RIBC2: variants seen among roughly 807,000 people sequenced by gnomAD.
The protein encoded by RIBC2 is RIB43A domain with coiled-coils 2.
RIBC2 carries 40 observed loss-of-function variants against 44.3 expected under a neutral mutation model. The ratio of observed to expected loss-of-function variants is 0.90; its 90% CI spans 0.70 to 1.18. The LOEUF (loss-of-function observed/expected upper bound fraction) is 1.18, where lower values mean the gene tolerates loss of function less well. Among genes scored for constraint, RIBC2 ranks in the 50% most tolerant of loss-of-function variants. The pLI is 0.00. For missense variants in RIBC2, 459 were observed against 485.5 expected, an observed-to-expected ratio of 0.95 and a Z score of 0.51; for synonymous variants, 171 against 175.0, an observed-to-expected ratio of 0.98 and a Z score of 0.18.
intron 4 of RIBC2, among the ~76,000 whole-genome samples, chr22:45,424,637 G>A (rs1039791263): frequency 6.6e-6 from 1 of 152,228 alleles, no homozygotes; most frequent in African/African-American, 2.4e-5. Flanking sequence ...CCCAGGTCCT[G>A]GGATGGAGCG....
intron 3 of RIBC2, chr22:45,418,153 G>T: frequency 2.2e-6 from 1 of 451,998 alleles, no homozygotes; most frequent in Non-Finnish European, 3.9e-6. Context: ...GTCAGAGCCT[G>T]CCCTCCAGGA....
At chr22:45,430,254 G>T (rs1000327589) in intron 5 of RIBC2, among the ~76,000 whole-genome samples, 5 of 152,190 alleles carry the variant, frequency 3.3e-5, no homozygotes, top group Non-Finnish European at 7.3e-5. Context: ...GGGCAAAGGG[G>T]ACTCGTCTTC....
chr22:45,432,300 G>T lies in RIBC2; in HGVS notation c.1087G>T (p.Glu363Ter), dbSNP rs2087587988. 6.4e-7 allele frequency: 1 copy of T among 1,566,456 alleles called. No individual in the cohort carries two copies. The highest frequency in any genetic ancestry group is 1.4e-5 in the African/African-American group (1 of 72,838). ...TGTTATCAGGAAAAAATATATGAATGAAGTCTATACAAATCAACCCACGGG... is the reference window on the plus strand; with the variant it reads ...TGTTATCAGGAAAAAATATATGAATTAAGTCTATACAAATCAACCCACGGG... ...EQHLQKKYMN[E>*]VYTNQPTGDY... Residue 363 changes from glutamate to a stop codon, truncating the protein, a stop_gained, in exon 7 of 7, where the codon GAA (glutamate) becomes TAA (stop). Transcript: ENST00000614167. LOFTEE classifies it high-confidence loss of function.
At position 45,432,310 on chromosome 22, in the gene RIBC2, C is replaced by T; in HGVS notation, c.1097C>T (p.Thr366Ile). ...LQKKYMNEVYTNQPTGDYFTQ... is the reference protein window; with the variant it reads ...LQKKYMNEVYINQPTGDYFTQ... The stretch of plus-strand genomic sequence containing the variant: ...AAAAAATATATGAATGAAGTCTATA[C>T]AAATCAACCCACGGGAGACTATTTC... Residue 366 changes from threonine to isoleucine, a missense_variant, in exon 7 of 7, where the codon ACA becomes ATA. By Grantham distance (89) the Thr-to-Ile change is moderately conservative. Transcript: ENST00000614167. 1 of 1,592,574 alleles carries T rather than the reference C, an allele frequency of 6.3e-7. No individual in the cohort carries two copies. The highest frequency in any genetic ancestry group is 8.6e-7 in the Non-Finnish European group (1 of 1,164,702).
rs1389007092 is a variant in RIBC2, at chr22:45,426,186, C to T, written c.903+11C>T. 4 of 1,607,562 alleles carry T rather than the reference C, an allele frequency of 2.5e-6. No individual in the cohort carries two copies. Among genetic ancestry groups the T allele is most frequent in the South Asian group, 2.2e-5 (2 of 90,432 alleles). On this transcript the variant is annotated intron_variant, in intron 5 of 6. Coordinates refer to ENST00000614167, the MANE Select transcript of RIBC2 (RefSeq NM_015653.5). ...ATCCAGGAGAAGCTGGTGACTGCCC[C>T]GCCCCTTTTTCCAGAGCCCATAGAG...
intron 5 of RIBC2, among the ~76,000 whole-genome samples, chr22:45,429,722 C>T (rs2087562617): frequency 6.6e-6 from 1 of 152,184 alleles, no homozygotes; most frequent in Admixed American, 6.5e-5. Context: ...TGCTTCAGGA[C>T]TGCCGCTCTG....
chr22:45,416,702 C>T (rs957173208), intron 2 of RIBC2, among the ~76,000 whole-genome samples: 2 of 151,870 alleles, frequency 1.3e-5, no homozygotes, highest in Middle Eastern at 3.2e-3. Flanking sequence ...CCTTGTGATC[C>T]GCCCACCTCG....
rs1489500465 is a variant in RIBC2 at position 45,424,288 on chromosome 22, GAC to G, written c.676-1655_676-1654del. 2.6e-5 allele frequency among the ~76,000 whole-genome samples: 4 copies of G among 152,194 alleles called. No homozygotes were observed. The East Asian group carries it at 7.7e-4, about 29-fold the overall frequency. On this transcript the variant is annotated intron_variant, in intron 4 of 6. Transcript: ENST00000614167. The stretch of plus-strand genomic sequence containing the variant: ...CAGGCCGGTCCAGTTCAACAGGAAG[GAC>G]ACACGTGAGGGCCTCCAGTTCTTGG...
chr22:45,414,977 A>C (rs1279215107), intron 2 of RIBC2, among the ~76,000 whole-genome samples: 2 of 152,206 alleles, frequency 1.3e-5, no homozygotes, highest in Admixed American at 6.5e-5. Context: ...TCAGAGACAG[A>C]CATGATTCAA....
rs367781390 is a variant in RIBC2, at chr22:45,426,046, C to T, written c.774C>T (p.Ser258=). 3.7e-6 allele frequency: 6 copies of T among 1,613,942 alleles called. No individual in the cohort carries two copies. The highest frequency in any genetic ancestry group is 1.6e-4 in the Middle Eastern group (1 of 6,082). Residue 258 remains serine, a synonymous_variant, in exon 5 of 7, where the codon TCC becomes TCT. Transcript: ENST00000614167. ...ITNLLRGDLL[S]ENPQQAASSF... ...ACCTCCTGCGTGGGGACCTGCTCTC[C>T]GAGAACCCGCAGCAGGCAGCCAGCT...
At position 45,432,281 on chromosome 22, in the gene RIBC2, C is replaced by T. The variant is rs544108650; in HGVS notation, c.1071-3C>T. ...CCTTTTTTTTTTCTCATTTTGTTAT[C>T]AGGAAAAAATATATGAATGAAGTCT... On this transcript the variant is annotated splice_region_variant and splice_polypyrimidine_tract_variant and intron_variant, in intron 6 of 6. Coordinates refer to ENST00000614167, the MANE Select transcript of RIBC2 (RefSeq NM_015653.5). The T allele has an allele frequency of 1.5e-4, 229 of 1,481,238 alleles. No individual in the cohort carries two copies. In the South Asian group the frequency reaches 2.7e-3, roughly 18 times the overall value. 91.8% of individuals were successfully genotyped at this position (1,481,238 alleles called of 1,614,324 possible). A position where few individuals can be genotyped will look rare whatever the true frequency, so the allele number is the denominator to read the frequency against.
intron 4 of RIBC2, among the ~76,000 whole-genome samples, chr22:45,423,180 G>T (rs959888274): frequency 2.0e-5 from 3 of 151,856 alleles, no homozygotes; most frequent in African/African-American, 7.3e-5. Context: ...ACAGGGTTTT[G>T]CCATGTTGCC....
intron 5 of RIBC2, among the ~76,000 whole-genome samples, chr22:45,427,621 C>T (rs1035684650): frequency 1.3e-5 from 2 of 152,192 alleles, no homozygotes; most frequent in East Asian, 1.9e-4. Context: ...AAATGTGAGT[C>T]GTCACCTACA....
In RIBC2 at chr22:45,417,745, G is replaced by A. The variant is rs764961769; in HGVS notation, c.355G>A (p.Asp119Asn). 2.5e-5 allele frequency: 40 copies of A among 1,613,954 alleles called. No individual in the cohort carries two copies. The highest frequency in any genetic ancestry group is 1.6e-4 in the Middle Eastern group (1 of 6,084). The change falls in exon 3 of 7, where the codon GAC becomes AAC. Residue 119 changes from aspartate to asparagine, a missense_variant. Transcript: ENST00000614167. ...AACTCGCCGTGAATTTGATCTGTCC[G>A]ACCCCCTAGCCCTTAAGAAAGATCT... ...PETRREFDLS[D>N]PLALKKDLPA...
At position 45,432,370 on chromosome 22, in the gene RIBC2, C is replaced by T; in HGVS notation, c.*8C>T. The T allele has an allele frequency of 5.1e-6, 8 of 1,569,470 alleles. No individual in the cohort carries two copies. Among genetic ancestry groups the T allele is most frequent in the Non-Finnish European group, 7.0e-6 (8 of 1,143,032 alleles). On this transcript the variant is annotated 3_prime_UTR_variant, in exon 7 of 7. Coordinates refer to ENST00000614167, the MANE Select transcript of RIBC2 (RefSeq NM_015653.5). The stretch of plus-strand genomic sequence containing the variant: ...AATACAGGAAGTCGATAATGAGGAA[C>T]ACACCCTTGTTCCCGTCATTCACGT...
chr22:45,422,491 C>T (rs771144604), intron 4 of RIBC2, 83 bp downstream of exon 4: 3 of 983,960 alleles, frequency 3.0e-6, no homozygotes, highest in Non-Finnish European at 4.9e-6. Context: ...TCCGGCTTCC[C>T]TGGGATCCCA....
chr22:45,432,343 T>G lies in RIBC2; in HGVS notation c.1130T>G (p.Phe377Cys), dbSNP rs749043193. The G allele has an allele frequency of 6.3e-7, 1 of 1,598,824 alleles. No homozygotes were observed. The highest frequency in any genetic ancestry group is 8.6e-7 in the Non-Finnish European group (1 of 1,167,124). The change falls in exon 7 of 7, where the codon TTT (phenylalanine) becomes TGT (cysteine). Residue 377 changes from phenylalanine (F) to cysteine (C), a missense_variant. Physicochemically the swap from Phe to Cys is radical, Grantham distance 205. Transcript: ENST00000614167. ...CCCACGGGAGACTATTTCACACAAT[T>G]TAATACAGGAAGTCGATAATGAGGA... ...NQPTGDYFTQ[F>C]NTGSR
chr22:45,418,827 A>G (rs922427805), intron 3 of RIBC2, among the ~76,000 whole-genome samples: 2 of 151,904 alleles, frequency 1.3e-5, no homozygotes, highest in Non-Finnish European at 2.9e-5. Context: ...ATCTTCTCCC[A>G]TTCTTCTCCC....
chr22:45,415,141 G>C (rs1049349851), intron 2 of RIBC2, among the ~76,000 whole-genome samples: 2 of 150,510 alleles, frequency 1.3e-5, no homozygotes, highest in African/African-American at 4.9e-5. Flanking sequence ...CTTGAGACCA[G>C]GAGCTCCAGA....
Sources: gnomAD v4.1 joint callset for allele counts (sites outside exome capture counted in the v4.1 genomes callset) on GRCh38, gnomAD v4.1.1 for gene constraint, MANE v1.5 for transcripts, NCBI Gene and HGNC (gene_info 2026-07-23, HGNC 2026-07-21) for gene names.